The following NECTIN3 variants were observed in gnomAD, a reference collection of about 807,000 sequenced individuals.
The protein encoded by NECTIN3 is nectin-3.
NECTIN3 carries 8 observed loss-of-function variants against 49.4 expected under a neutral mutation model. That is an observed-to-expected ratio of 0.16 (90% CI 0.10 to 0.29). The LOEUF (loss-of-function observed/expected upper bound fraction) is 0.29. NECTIN3 is among the 10% of genes least tolerant of loss of function. The probability of loss-of-function intolerance (pLI) is 1.00; values close to 1 mark genes in which losing one functional copy is unlikely to be tolerated. For missense variants in NECTIN3, 581 were observed against 654.6 expected (o/e 0.89, Z 1.23); for synonymous variants, 277 against 241.1 (o/e 1.15, Z -1.38).
chr3:111,082,830 T>A (rs2031699938), intron 1 of NECTIN3, among the ~76,000 whole-genome samples: 1 of 152,198 alleles, frequency 6.6e-6, no homozygotes, highest in Non-Finnish European at 1.5e-5. Context: ...GCCCAGAGCT[T>A]GTTTTCCTGC....
chr3:111,138,221 T>G (rs1454988769), downstream of NECTIN3, among the ~76,000 whole-genome samples: 1 of 151,656 alleles, frequency 6.6e-6, no homozygotes, highest in African/African-American at 2.4e-5. Flanking sequence ...TCACTTTGTT[T>G]CCTATTTCTG....
chr3:111,176,312 T>A (rs2035527635), intron 7 of NECTIN3, among the ~76,000 whole-genome samples: 1 of 152,234 alleles, frequency 6.6e-6, no homozygotes, highest in Admixed American at 6.5e-5. Context: ...ATTCTCCAGC[T>A]TTTGTATTAT....
chr3:111,130,178 G>A (rs1368344429), intron 5 of NECTIN3, among the ~76,000 whole-genome samples: 4 of 151,678 alleles, frequency 2.6e-5, no homozygotes, highest in Non-Finnish European at 2.9e-5. Flanking sequence ...GGATGGTCTC[G>A]ATCTCCTGAC....
At position 111,071,882 on chromosome 3, in the gene NECTIN3, C is replaced by T; in HGVS notation, c.-136C>T. On this transcript the variant is annotated 5_prime_UTR_variant, in exon 1 of 6. Coordinates refer to ENST00000485303, the MANE Select transcript of NECTIN3 (RefSeq NM_015480.3). The stretch of plus-strand genomic sequence containing the variant: ...CGCCAGCGTTCGGCCAAGTGTCAGC[C>T]GGCAGCGACGGCGCTAGAGCTGGGA... 4.0e-6 allele frequency: 2 copies of T among 503,820 alleles called. No homozygotes were observed. The highest frequency in any genetic ancestry group is 3.1e-6 in the Non-Finnish European group (1 of 322,866). 31.2% of individuals were successfully genotyped at this position (503,820 alleles called of 1,614,324 possible). A position where few individuals can be genotyped will look rare whatever the true frequency, so the allele number is the denominator to read the frequency against.
At chr3:111,091,156 A>G (rs1429343751) in intron 1 of NECTIN3, among the ~76,000 whole-genome samples, 1 of 152,192 alleles carries the variant, frequency 6.6e-6, no homozygotes, top group Non-Finnish European at 1.5e-5. Context: ...TCCTAACACT[A>G]TACAACACTA....
intron 2 of NECTIN3, among the ~76,000 whole-genome samples, chr3:111,118,256 A>ATATAT (rs1161790613): frequency 1.7e-5 from 2 of 118,060 alleles, no homozygotes; most frequent in Non-Finnish European, 3.6e-5. Flanking sequence ...AGCTATATAT[A>ATATAT]TATATATATA....
At chr3:111,193,376 G>T in intron 1 of NECTIN3, 1 of 1,531,360 alleles carries the variant, frequency 6.5e-7, no homozygotes, top group Non-Finnish European at 8.7e-7. Flanking sequence ...AACATTATGT[G>T]TGATTTTTCT....
chr3:111,172,129 G>A (rs1427408807), intron 7 of NECTIN3, among the ~76,000 whole-genome samples: 1 of 152,040 alleles, frequency 6.6e-6, no homozygotes, highest in Non-Finnish European at 1.5e-5. Flanking sequence ...TGTAATCTTA[G>A]TGCTTGTCGT....
chr3:111,152,497 A>G (rs757299648), intron 7 of NECTIN3, among the ~76,000 whole-genome samples: 4 of 151,826 alleles, frequency 2.6e-5, no homozygotes, highest in East Asian at 1.9e-4. Context: ...CATCTTTTCA[A>G]GTGTTTAAAA....
chr3:111,143,962 T>C (rs1336434279), intron 5 of NECTIN3, among the ~76,000 whole-genome samples: 1 of 152,188 alleles, frequency 6.6e-6, no homozygotes, highest in Non-Finnish European at 1.5e-5. Context: ...GAAGGAACTT[T>C]GTAATTCACA....
At chr3:111,185,032 T>C (rs532163116) in intron 7 of NECTIN3, among the ~76,000 whole-genome samples, 1 of 152,354 alleles carries the variant, frequency 6.6e-6, no homozygotes, top group Admixed American at 6.5e-5. Flanking sequence ...ATTGTTAAGA[T>C]AACAGCTCCC....
In NECTIN3 at chr3:111,134,281, T is replaced by C; in HGVS notation, c.*66T>C. 1 of 1,491,640 alleles carries C rather than the reference T, an allele frequency of 6.7e-7. No homozygotes were observed. Among genetic ancestry groups the C allele is most frequent in the African/African-American group, 1.4e-5 (1 of 71,062 alleles). The allele number at this position is 1,491,640 out of a possible 1,614,324, so 92.4% of individuals were successfully genotyped here. ...ACACTAGTTGATCATTTTCAGATTG[T>C]TCATACTTTTTCTTGAGGAAGAATA... is the stretch of plus-strand genomic sequence containing the variant. On this transcript the variant is annotated 3_prime_UTR_variant, in exon 6 of 6. Transcript: ENST00000485303.
intron 4 of NECTIN3, among the ~76,000 whole-genome samples, chr3:111,123,521 TAGA>T (rs914572871): frequency 2.0e-5 from 3 of 152,204 alleles, no homozygotes; most frequent in African/African-American, 7.2e-5. Flanking sequence ...ATACCACTAA[TAGA>T]AGAGTGGAAG....
chr3:111,123,570 C>T (rs546825778), intron 4 of NECTIN3, among the ~76,000 whole-genome samples: 1 of 152,176 alleles, frequency 6.6e-6, no homozygotes, highest in African/African-American at 2.4e-5. Context: ...CTAGAATTAA[C>T]CTGCATTTTT....
intron 1 of NECTIN3, among the ~76,000 whole-genome samples, chr3:111,096,063 G>T (rs1432543470): frequency 6.6e-6 from 1 of 152,226 alleles, no homozygotes; most frequent in African/African-American, 2.4e-5. Flanking sequence ...ACAGAAAAAT[G>T]TGGGAAAGTT....
intron 5 of NECTIN3, among the ~76,000 whole-genome samples, chr3:111,144,320 A>G (rs1430985381): frequency 6.6e-6 from 1 of 151,968 alleles, no homozygotes; most frequent in African/African-American, 2.4e-5. Flanking sequence ...TTTTTAGTGC[A>G]CTTTGTATTA....
intron 7 of NECTIN3, among the ~76,000 whole-genome samples, chr3:111,184,113 A>C (rs1434923087): frequency 6.6e-6 from 1 of 151,868 alleles, no homozygotes; most frequent in African/African-American, 2.4e-5. Flanking sequence ...TTCAGTGTCT[A>C]CTCTGCTACT....
At chr3:111,124,659 A>T (rs1017123731) in intron 4 of NECTIN3, among the ~76,000 whole-genome samples, 2 of 152,222 alleles carry the variant, frequency 1.3e-5, no homozygotes, top group African/African-American at 4.8e-5. Flanking sequence ...GAATTGAAGT[A>T]CTACCAACTC....
At chr3:111,116,199 C>G (rs577156123) in intron 2 of NECTIN3, among the ~76,000 whole-genome samples, 3 of 152,124 alleles carry the variant, frequency 2.0e-5, no homozygotes, top group Admixed American at 2.0e-4. Context: ...ATAGGAAGAG[C>G]TCTCAGAGAG....
Sources: gnomAD v4.1 joint callset for allele counts (sites outside exome capture counted in the v4.1 genomes callset) on GRCh38, gnomAD v4.1.1 for gene constraint, MANE v1.5 for transcripts, NCBI Gene and HGNC (gene_info 2026-07-23, HGNC 2026-07-21) for gene names.